RETNLB: variants seen among roughly 807,000 people sequenced by gnomAD.
The protein encoded by RETNLB is resistin like beta.
In RETNLB, 11 loss-of-function variants were observed where a neutral mutation model predicts 6.8. The ratio of observed to expected loss-of-function variants is 1.62; its 90% CI spans 1.02 to 2.68. The LOEUF (loss-of-function observed/expected upper bound fraction) is 2.68, where lower values mean the gene tolerates loss of function less well. RETNLB is among the 30% of genes most tolerant of loss of function. The pLI, the probability that RETNLB is intolerant of heterozygous loss-of-function variation, is 0.00. For synonymous variants in RETNLB, 57 were observed against 54.2 expected (o/e 1.05, Z -0.23); for missense variants, 146 against 135.7 (o/e 1.08, Z -0.38).
At chr3:108,756,026 A>C in intron 2 of RETNLB, 121 bp from the exon 3 acceptor site, 1 of 1,052,074 alleles carries the variant, frequency 9.5e-7, no homozygotes, top group Non-Finnish European at 1.4e-6. Context: ...GTGGGGCCTC[A>C]AGCTCATTCA....
At position 108,757,098 on chromosome 3, in the gene RETNLB, C is replaced by T. The variant is rs148314795; in HGVS notation, c.88G>A (p.Val30Ile). 1.7e-4 allele frequency: 276 copies of T among 1,613,790 alleles called. 3 individuals are homozygous for T. The African/African-American group carries it at 1.8e-3, about 11-fold the overall frequency. Residue 30 changes from valine to isoleucine, a missense_variant, in exon 1 of 3, where the codon GTT (valine) becomes ATT (isoleucine). Coordinates refer to ENST00000295755, the MANE Select transcript of RETNLB (RefSeq NM_032579.3). ...PGSTQCSLDS[V>I]MDKKIKDVLN... The stretch of plus-strand genomic sequence containing the variant: ...ACATCCTTGATCTTCTTATCCATAA[C>T]GGAGTCTAAGGAACACTGAGTACTC...
intron 1 of RETNLB, 44 bp downstream of exon 1, chr3:108,757,015 T>G: frequency 6.3e-7 from 1 of 1,590,918 alleles, no homozygotes; most frequent in Non-Finnish European, 8.6e-7. Context: ...ACAGGAGAAA[T>G]GAGCAAGGGT....
At chr3:108,756,015 C>A in intron 2 of RETNLB, 110 bp from the exon 3 acceptor site, 1 of 1,232,410 alleles carries the variant, frequency 8.1e-7, no homozygotes, top group South Asian at 1.4e-5. Flanking sequence ...AGCTAGGTTT[C>A]GTGGGGCCTC....
rs1945255678 is a variant in RETNLB at position 108,757,095 on chromosome 3, T to C, written c.91A>G (p.Met31Val). The change falls in exon 1 of 3, where the codon ATG becomes GTG. Residue 31 changes from methionine to valine, a missense_variant. Met to Val is a conservative substitution (Grantham distance 21, BLOSUM62 1). Transcript: ENST00000295755. The stretch of plus-strand genomic sequence containing the variant: ...AGAACATCCTTGATCTTCTTATCCA[T>C]AACGGAGTCTAAGGAACACTGAGTA... ...GSTQCSLDSV[M>V]DKKIKDVLNS... 4 of 1,613,912 alleles carry C rather than the reference T, an allele frequency of 2.5e-6. No individual in the cohort carries two copies.
intron 1 of RETNLB, 183 bp downstream of exon 1, chr3:108,756,876 C>T: frequency 1.5e-6 from 1 of 656,694 alleles, no homozygotes. Flanking sequence ...ACCTCTTCCT[C>T]CTCATCAGGA....
In RETNLB at chr3:108,756,557, G is replaced by C. The variant is rs375689864; in HGVS notation, c.159C>G (p.Leu53=). 1.2e-6 allele frequency: 2 copies of C among 1,613,424 alleles called. No homozygotes were observed. The highest frequency in any genetic ancestry group is 1.7e-6 in the Non-Finnish European group (2 of 1,179,476). Residue 53 remains leucine (L), a synonymous_variant, in exon 2 of 3, where the codon CTC becomes CTG. Transcript: ENST00000295755. ...EYSPSPISKK[L]SCASVKSQGR... ...CTTGGCTTTTGACACTAGCACACGA[G>C]AGCTTCTTGCTTATAGGAGAGGGAC...
chr3:108,755,700 T>G lies in RETNLB; in HGVS notation c.*78A>C. 2.0e-6 allele frequency: 3 copies of G among 1,505,134 alleles called. No individual in the cohort carries two copies. The highest frequency in any genetic ancestry group is 1.4e-5 in the African/African-American group (1 of 72,686). The allele number at this position is 1,505,134 out of a possible 1,614,324, so 93.2% of individuals were successfully genotyped here. On this transcript the variant is annotated 3_prime_UTR_variant, in exon 3 of 3. Coordinates refer to ENST00000295755, the MANE Select transcript of RETNLB (RefSeq NM_032579.3). ...GAATGGAACAAATGAAGTGGGACGT[T>G]TGAGTTAGATTTCTTGGTTGGGACC...
At chr3:108,756,777 G>T in intron 1 of RETNLB, 189 bp from the exon 2 acceptor site, 1 of 599,250 alleles carries the variant, frequency 1.7e-6, no homozygotes, top group Non-Finnish European at 3.0e-6. Flanking sequence ...TAAAATGGTT[G>T]TGGGAATTAA....
intron 2 of RETNLB, 120 bp from the exon 3 acceptor site, chr3:108,756,025 C>G: frequency 1.9e-6 from 2 of 1,050,598 alleles, no homozygotes; most frequent in Non-Finnish European, 2.8e-6. Context: ...CGTGGGGCCT[C>G]AAGCTCATTC....
Position 108,757,232 on chromosome 3 carries a change from A to C in RETNLB, c.-47T>G. On this transcript the variant is annotated 5_prime_UTR_variant, in exon 1 of 3. Coordinates refer to ENST00000295755, the MANE Select transcript of RETNLB (RefSeq NM_032579.3). ...GGGGCTGGGAGAAAAGATGGAAAGC[A>C]GCTTAGATCTCTGAGCTCCTGGGTG... The C allele has an allele frequency of 6.3e-7, 1 of 1,582,166 alleles. No individual in the cohort carries two copies. The highest frequency in any genetic ancestry group is 2.2e-5 in the East Asian group (1 of 44,488).
chr3:108,756,559 G>C lies in RETNLB; in HGVS notation c.157C>G (p.Leu53Val). The change falls in exon 2 of 3, where the codon CTC becomes GTC. Residue 53 changes from leucine (L) to valine (V), a missense_variant. Physicochemically the swap from Leu to Val is conservative, Grantham distance 32. Transcript: ENST00000295755. ...TGGCTTTTGACACTAGCACACGAGAGCTTCTTGCTTATAGGAGAGGGACTG... is the reference window on the plus strand; with the variant it reads ...TGGCTTTTGACACTAGCACACGAGACCTTCTTGCTTATAGGAGAGGGACTG... ...EYSPSPISKK[L>V]SCASVKSQGR... is the part of the protein sequence containing the mutation. 1 of 1,613,316 alleles carries C rather than the reference G, an allele frequency of 6.2e-7. No homozygotes were observed. Among genetic ancestry groups the C allele is most frequent in the Non-Finnish European group, 8.5e-7 (1 of 1,179,264 alleles).
chr3:108,757,110 AAC>A lies in RETNLB; in HGVS notation c.74_75del (p.Cys25PhefsTer8), dbSNP rs1451861915. The A allele has an allele frequency of 1.2e-6, 2 of 1,613,792 alleles. No homozygotes were observed. The highest frequency in any genetic ancestry group is 1.7e-6 in the Non-Finnish European group (2 of 1,179,918). On this transcript the variant is annotated frameshift_variant, in exon 1 of 3. Transcript: ENST00000295755. LOFTEE classifies it high-confidence loss of function. ...TTCTTATCCATAACGGAGTCTAAGG[AAC>A]ACTGAGTACTCCCCGGGTTGATCAG... The part of the protein sequence containing the change: ...LQLINPGSTQ[C>X]SLDSVMDKKI...
Position 108,755,693 on chromosome 3 carries a change from G to T in RETNLB, c.*85C>A. On this transcript the variant is annotated 3_prime_UTR_variant, in exon 3 of 3. Coordinates refer to ENST00000295755, the MANE Select transcript of RETNLB (RefSeq NM_032579.3). ...GAATCAGGAATGGAACAAATGAAGT[G>T]GGACGTTTGAGTTAGATTTCTTGGT... 7.0e-7 allele frequency: 1 copy of T among 1,434,318 alleles called. No individual in the cohort carries two copies. Among genetic ancestry groups the T allele is most frequent in the Non-Finnish European group, 9.7e-7 (1 of 1,029,378 alleles). 88.8% of individuals were successfully genotyped at this position (1,434,318 alleles called of 1,614,324 possible).
chr3:108,756,424 T>C (rs949069789), intron 2 of RETNLB, 84 bp downstream of exon 2: 7 of 940,926 alleles, frequency 7.4e-6, no homozygotes, highest in Non-Finnish European at 1.2e-5. Flanking sequence ...AGACCTGACA[T>C]GGGGGAAGAC....
intron 2 of RETNLB, 65 bp downstream of exon 2, chr3:108,756,443 A>G: frequency 1.9e-6 from 2 of 1,075,554 alleles, no homozygotes; most frequent in Non-Finnish European, 2.9e-6. Flanking sequence ...ACGTAGGTGC[A>G]GGGAGATGGA....
rs184590628 is a variant in RETNLB at position 108,755,690 on chromosome 3, A to G, written c.*88T>C. 1.8e-5 allele frequency: 25 copies of G among 1,416,984 alleles called. No homozygotes were observed. The highest frequency in any genetic ancestry group is 2.3e-5 in the Non-Finnish European group (23 of 1,014,300). The allele number at this position is 1,416,984 out of a possible 1,614,324, so 87.8% of individuals were successfully genotyped here. A position where few individuals can be genotyped will look rare whatever the true frequency, so the allele number is the denominator to read the frequency against. Reference sequence around the variant, plus strand: ...CAAGAATCAGGAATGGAACAAATGAAGTGGGACGTTTGAGTTAGATTTCTT... The same window carrying G: ...CAAGAATCAGGAATGGAACAAATGAGGTGGGACGTTTGAGTTAGATTTCTT... On this transcript the variant is annotated 3_prime_UTR_variant, in exon 3 of 3. Transcript: ENST00000295755.
intron 1 of RETNLB, 114 bp downstream of exon 1, chr3:108,756,945 T>A (rs1945254472): frequency 8.0e-7 from 1 of 1,250,560 alleles, no homozygotes; most frequent in African/African-American, 1.5e-5. Flanking sequence ...AAAGCCCTCA[T>A]CAGGGGTTGG....
chr3:108,756,586 A>G lies in RETNLB; in HGVS notation c.130T>C (p.Tyr44His), dbSNP rs755268577. 1 of 1,607,078 alleles carries G rather than the reference A, an allele frequency of 6.2e-7. No individual in the cohort carries two copies. The change falls in exon 2 of 3, where the codon TAC becomes CAC. Residue 44 changes from tyrosine to histidine, a missense_variant and splice_region_variant. Tyr to His is a moderately conservative substitution (Grantham distance 83). Coordinates refer to ENST00000295755, the MANE Select transcript of RETNLB (RefSeq NM_032579.3). ...TTCTTGCTTATAGGAGAGGGACTGT[A>G]CTCTGAGTAGGAAAGAAGAAAGGGT... ...KIKDVLNSLE[Y>H]SPSPISKKLS...
chr3:108,756,802 G>A (rs531455785), intron 1 of RETNLB: 23 of 593,616 alleles, frequency 3.9e-5, no homozygotes, highest in South Asian at 2.8e-4. Flanking sequence ...AATAATCTAC[G>A]TAAAACTTGG....
Sources: gnomAD v4.1 joint callset for allele counts on GRCh38, gnomAD v4.1.1 for gene constraint, MANE v1.5 for transcripts, NCBI Gene and HGNC (gene_info 2026-07-23, HGNC 2026-07-21) for gene names.